FGFR2: variants seen among roughly 807,000 people sequenced by gnomAD.
FGFR2 encodes the protein BEK fibroblast growth factor receptor.
FGFR2 carries 19 observed loss-of-function variants against 95.9 expected under a neutral mutation model. The ratio of observed to expected loss-of-function variants is 0.20; its 90% CI spans 0.14 to 0.29. FGFR2 has a LOEUF of 0.29. Among genes scored for constraint, FGFR2 ranks in the 10% least tolerant of loss-of-function variants. The pLI is 1.00. For missense variants in FGFR2, 707 were observed against 1,056.9 expected (o/e 0.67, Z 4.59); for synonymous variants, 392 against 393.3 (o/e 1.00, Z 0.04).
At chr10:121,523,565 G>A (rs1850862640) in intron 6 of FGFR2, among the ~76,000 whole-genome samples, 1 of 152,170 alleles carries the variant, frequency 6.6e-6, no homozygotes, top group Admixed American at 6.5e-5. Flanking sequence ...TGTCCTCTGG[G>A]CTAGATCCTG....
intron 5 of FGFR2, among the ~76,000 whole-genome samples, chr10:121,546,724 G>C (rs1194908640): frequency 6.6e-6 from 1 of 152,134 alleles, no homozygotes; most frequent in African/African-American, 2.4e-5. Flanking sequence ...GGGGATGGCT[G>C]CCGAGGTGCC....
chr10:121,506,367 A>AAG, intron 9 of FGFR2, among the ~76,000 whole-genome samples: 1 of 150,920 alleles, frequency 6.6e-6, no homozygotes, highest in Non-Finnish European at 1.5e-5. Flanking sequence ...CAAAAAAAAA[A>AAG]AAAAAAAAAG....
At chr10:121,560,542 G>A (rs1489263242) in intron 4 of FGFR2, among the ~76,000 whole-genome samples, 1 of 148,180 alleles carries the variant, frequency 6.7e-6, no homozygotes, top group East Asian at 2.0e-4. Context: ...GTGAACCCGG[G>A]AGGCGGAGCT....
chr10:121,482,195 G>A (rs2133738218), intron 17 of FGFR2: 1 of 1,611,782 alleles, frequency 6.2e-7, no homozygotes, highest in Non-Finnish European at 8.5e-7. Flanking sequence ...GAAAAAAACA[G>A]GGATATCAGT....
rs1564913976 is a variant in FGFR2, at chr10:121,517,513, T to TGTGGAGGGGGCTGTGGAATGATC, written c.940-51_940-50insGATCATTCCACAGCCCCCTCCAC. On this transcript the variant is annotated intron_variant, in intron 7 of 17. Transcript: ENST00000358487. The surrounding 1 kb of genome is among the most constrained non-coding windows in gnomAD (Gnocchi z 4.7). Reference sequence around the variant, plus strand: ...AAAGGCTAGACGACACAGGAATGATTGTGGAGGGGGCTGTGGAACCACAAG... The same window carrying TGTGGAGGGGGCTGTGGAATGATC: ...AAAGGCTAGACGACACAGGAATGATTGTGGAGGGGGCTGTGGAATGATCGTGGAGGGGGCTGTGGAACCACAAG... The TGTGGAGGGGGCTGTGGAATGATC allele has an allele frequency of 6.2e-7, 1 of 1,612,712 alleles. No individual in the cohort carries two copies. The highest frequency in any genetic ancestry group is 2.2e-5 in the East Asian group (1 of 44,854).
rs1365993917 is a variant in FGFR2 at position 121,479,527 on chromosome 10, C to T, written c.*330G>A. 4.8e-6 allele frequency: 7 copies of T among 1,443,844 alleles called. No individual in the cohort carries two copies. The East Asian group carries it at 7.5e-5, about 15-fold the overall frequency. 89.4% of individuals were successfully genotyped at this position (1,443,844 alleles called of 1,614,324 possible). A position where few individuals can be genotyped will look rare whatever the true frequency, so the allele number is the denominator to read the frequency against. ...GTAAGTGTGTGCTGACATAAATCTT[C>T]TCCAATTATTACAAAATTAACAAGG... On this transcript the variant is annotated 3_prime_UTR_variant, in exon 18 of 18. Transcript: ENST00000358487.
chr10:121,493,935 T>A (rs1846455335), intron 13 of FGFR2, among the ~76,000 whole-genome samples: 1 of 151,874 alleles, frequency 6.6e-6, no homozygotes, highest in Non-Finnish European at 1.5e-5. Context: ...ACCCTTGATC[T>A]CTCTTTCTCT....
chr10:121,591,412 C>T (rs1359293178), intron 2 of FGFR2, among the ~76,000 whole-genome samples: 1 of 152,262 alleles, frequency 6.6e-6, no homozygotes, highest in Non-Finnish European at 1.5e-5. Context: ...GCCATGCACC[C>T]GGTGCTTACT....
chr10:121,593,673 C>T (rs1863006845), intron 2 of FGFR2, 36 bp downstream of exon 2: 8 of 1,597,278 alleles, frequency 5.0e-6, no homozygotes, highest in Non-Finnish European at 6.9e-6. Flanking sequence ...AGACAAATCC[C>T]AAAACAAACC....
Position 121,517,737 on chromosome 10 carries a change from T to C in FGFR2, c.940-274A>G, listed in dbSNP as rs1471712694. Among the ~76,000 whole-genome samples, 1 of 152,124 alleles carries C rather than the reference T, an allele frequency of 6.6e-6. No homozygotes were observed. The highest frequency in any genetic ancestry group is 1.5e-5 in the Non-Finnish European group (1 of 68,028). Reference sequence around the variant, plus strand: ...AATCAACCCACAGAGGTCCGTTCTCTTGGCCTGTGCTTTGGTTTGCATTTA... The same window carrying C: ...AATCAACCCACAGAGGTCCGTTCTCCTGGCCTGTGCTTTGGTTTGCATTTA... On this transcript the variant is annotated intron_variant, in intron 7 of 17. Coordinates refer to ENST00000358487, the MANE Select transcript of FGFR2 (RefSeq NM_000141.5). The surrounding 1 kb of genome is among the most constrained non-coding windows in gnomAD (Gnocchi z 4.7).
intron 2 of FGFR2, among the ~76,000 whole-genome samples, chr10:121,578,658 C>G (rs906594074): frequency 6.6e-6 from 1 of 152,240 alleles, no homozygotes; most frequent in African/African-American, 2.4e-5. Context: ...GCCTGTAATC[C>G]CAGCACTTTG....
intron 4 of FGFR2, among the ~76,000 whole-genome samples, chr10:121,561,804 T>A (rs1471232501): frequency 6.6e-6 from 1 of 152,214 alleles, no homozygotes; most frequent in Non-Finnish European, 1.5e-5. Context: ...AATAAAGGAC[T>A]GTTATCCAAA....
chr10:121,538,187 T>C (rs996698982), intron 6 of FGFR2: 150 of 610,586 alleles, frequency 2.5e-4, no homozygotes, highest in Non-Finnish European at 5.9e-5. Flanking sequence ...CCTTTTCCTT[T>C]ACTCTTCAGC....
At chr10:121,524,512 G>A (rs1195527495) in intron 6 of FGFR2, among the ~76,000 whole-genome samples, 1 of 152,184 alleles carries the variant, frequency 6.6e-6, no homozygotes, top group East Asian at 1.9e-4. Flanking sequence ...ACAAGTCGGA[G>A]GAGGAGGCCT....
intron 5 of FGFR2, among the ~76,000 whole-genome samples, chr10:121,543,869 G>A (rs949913827): frequency 6.6e-6 from 1 of 152,196 alleles, no homozygotes; most frequent in African/African-American, 2.4e-5. Flanking sequence ...AACAAGCCAT[G>A]TTTTCTTAGA....
At chr10:121,570,609 C>T (rs1345322229) in intron 2 of FGFR2, among the ~76,000 whole-genome samples, 1 of 152,238 alleles carries the variant, frequency 6.6e-6, no homozygotes, top group Admixed American at 6.5e-5. Context: ...GGTGCACAGC[C>T]CAACATCTCC....
chr10:121,516,865 C>T (rs1233819178), intron 8 of FGFR2, among the ~76,000 whole-genome samples: 4 of 152,142 alleles, frequency 2.6e-5, no homozygotes, highest in East Asian at 1.9e-4. Context: ...TCAGAGGTGC[C>T]GCTCCCCAGG....
At chr10:121,498,666 G>C in intron 11 of FGFR2, 61 bp from the exon 12 acceptor site, 2 of 1,371,466 alleles carry the variant, frequency 1.5e-6, no homozygotes, top group Non-Finnish European at 2.1e-6. Context: ...GGCAGCTACT[G>C]TTAGTTGCCA....
At chr10:121,493,491 C>T (rs560519564) in intron 13 of FGFR2, among the ~76,000 whole-genome samples, 17 of 152,140 alleles carry the variant, frequency 1.1e-4, no homozygotes, top group Non-Finnish European at 2.2e-4. Flanking sequence ...CTACCTGCCC[C>T]CTCCTTCCTG....
Sources: gnomAD v4.1 joint callset for allele counts (sites outside exome capture counted in the v4.1 genomes callset) on GRCh38, gnomAD v4.1.1 for gene constraint, Gnocchi (gnomAD v3.1) non-coding constraint, MANE v1.5 for transcripts, NCBI Gene and HGNC (gene_info 2026-07-23, HGNC 2026-07-21) for gene names.